PCDH9: variants seen among roughly 807,000 people sequenced by gnomAD.
PCDH9 encodes protocadherin-9.
In PCDH9, 24 loss-of-function variants were observed where a neutral mutation model predicts 70.6. The observed-to-expected ratio is 0.34, with a 90% confidence interval of 0.25 to 0.48. PCDH9 has a LOEUF of 0.48. Among genes scored for constraint, PCDH9 ranks in the 20% least tolerant of loss-of-function variants. The pLI is 0.99. For synonymous variants in PCDH9, 562 were observed against 558.5 expected (o/e 1.01, Z -0.09); for missense variants, 1,281 against 1,503.6 (o/e 0.85, Z 2.45).
At chr13:66,672,356 A>G (rs2078186959) in intron 3 of PCDH9, among the ~76,000 whole-genome samples, 1 of 152,230 alleles carries the variant, frequency 6.6e-6, no homozygotes, top group Non-Finnish European at 1.5e-5. Flanking sequence ...ACAGAAATCA[A>G]AAATTGAGGT....
intron 2 of PCDH9, chr13:67,204,959 G>A (rs900984166): frequency 6.6e-6 from 1 of 152,280 alleles, no homozygotes; most frequent in Non-Finnish European, 1.5e-5. Context: ...TACTTAAAGT[G>A]TTGGCTTTTA....
intron 2 of PCDH9, among the ~76,000 whole-genome samples, chr13:66,911,615 A>G (rs1233150319): frequency 6.6e-6 from 1 of 152,128 alleles, no homozygotes; most frequent in East Asian, 1.9e-4. Context: ...TACTTCAAAC[A>G]CTAATGGTCT....
chr13:66,919,224 C>T (rs1390057313), intron 2 of PCDH9, among the ~76,000 whole-genome samples: 1 of 151,232 alleles, frequency 6.6e-6, no homozygotes, highest in African/African-American at 2.4e-5. Context: ...GTTACTGCTT[C>T]AGGACTAATT....
chr13:66,926,459 T>G (rs1471829961), intron 2 of PCDH9, among the ~76,000 whole-genome samples: 3 of 152,066 alleles, frequency 2.0e-5, no homozygotes, highest in Non-Finnish European at 4.4e-5. Context: ...AATTGGGTTT[T>G]TCACTTGTAA....
At chr13:66,735,671 T>C (rs2079137168) in intron 3 of PCDH9, among the ~76,000 whole-genome samples, 1 of 152,090 alleles carries the variant, frequency 6.6e-6, no homozygotes, top group Non-Finnish European at 1.5e-5. Flanking sequence ...TATTAATAAT[T>C]TTAAAGATTA....
intron 3 of PCDH9, among the ~76,000 whole-genome samples, chr13:66,812,771 T>C (rs2080532264): frequency 6.6e-6 from 1 of 152,154 alleles, no homozygotes. Context: ...GTTTAGGAAA[T>C]AATTAGGAAT....
intron 4 of PCDH9, among the ~76,000 whole-genome samples, chr13:66,372,129 A>C (rs916408643): frequency 6.6e-6 from 1 of 152,080 alleles, no homozygotes; most frequent in East Asian, 1.9e-4. Flanking sequence ...TATGCACCAC[A>C]GAAGTTGAAA....
chr13:67,080,402 C>A (rs1034818112), intron 2 of PCDH9, among the ~76,000 whole-genome samples: 1 of 152,150 alleles, frequency 6.6e-6, no homozygotes, highest in Non-Finnish European at 1.5e-5. Flanking sequence ...AGAACACCAA[C>A]TTTGGAGATT....
At chr13:66,988,106 G>C (rs1437552969) in intron 2 of PCDH9, among the ~76,000 whole-genome samples, 2 of 151,812 alleles carry the variant, frequency 1.3e-5, no homozygotes, top group African/African-American at 4.8e-5. Flanking sequence ...TGACTATATT[G>C]TCCAGGCTGT....
chr13:66,377,209 T>G (rs1205512443), intron 4 of PCDH9, among the ~76,000 whole-genome samples: 2 of 152,162 alleles, frequency 1.3e-5, no homozygotes, highest in Non-Finnish European at 2.9e-5. Context: ...AGCCACCCAC[T>G]CTGTACAGCT....
intron 4 of PCDH9, among the ~76,000 whole-genome samples, chr13:66,442,576 T>A (rs1957994264): frequency 6.6e-6 from 1 of 152,026 alleles, no homozygotes; most frequent in South Asian, 2.1e-4. Context: ...TATATATATA[T>A]AATTAATATT....
intron 4 of PCDH9, among the ~76,000 whole-genome samples, chr13:66,481,907 C>G (rs1343228376): frequency 1.3e-5 from 2 of 151,822 alleles, no homozygotes; most frequent in Non-Finnish European, 2.9e-5. Context: ...TCAGAAAATA[C>G]TGAATAAAAA....
chr13:66,763,536 A>T (rs1004297495), intron 3 of PCDH9, among the ~76,000 whole-genome samples: 1 of 152,056 alleles, frequency 6.6e-6, no homozygotes, highest in Non-Finnish European at 1.5e-5. Context: ...TTTCCTATAG[A>T]TGTTCAAAAG....
At chr13:66,604,292 T>C (rs2077196641) in intron 4 of PCDH9, among the ~76,000 whole-genome samples, 1 of 152,000 alleles carries the variant, frequency 6.6e-6, no homozygotes, top group South Asian at 2.1e-4. Flanking sequence ...TGGCTGAACA[T>C]ATGATTGTTT....
chr13:66,952,562 A>T (rs2083200710), intron 2 of PCDH9, among the ~76,000 whole-genome samples: 1 of 152,172 alleles, frequency 6.6e-6, no homozygotes, highest in East Asian at 1.9e-4. Context: ...AAGCCAGACA[A>T]TTGCAAAGTA....
intron 4 of PCDH9, among the ~76,000 whole-genome samples, chr13:66,622,104 A>G (rs9317597): frequency 0.94 from 142,872 of 152,300 alleles, 67,740 homozygotes; most frequent in East Asian, 1. Context: ...CAGCGGCTGC[A>G]GAGTGTGTAC....
chr13:66,548,991 T>G (rs985485894), intron 4 of PCDH9, among the ~76,000 whole-genome samples: 1 of 152,138 alleles, frequency 6.6e-6, no homozygotes, highest in Non-Finnish European at 1.5e-5. Flanking sequence ...ATTTGGATAA[T>G]TAATTCAAGG....
chr13:66,388,142 CAAAGT>C, intron 4 of PCDH9, among the ~76,000 whole-genome samples: 1 of 152,078 alleles, frequency 6.6e-6, no homozygotes, highest in Non-Finnish European at 1.5e-5. Flanking sequence ...CATGACCACT[CAAAGT>C]AAAGATATAT....
intron 4 of PCDH9, among the ~76,000 whole-genome samples, chr13:66,501,784 T>C (rs1356534641): frequency 2.0e-5 from 3 of 152,098 alleles, no homozygotes; most frequent in Non-Finnish European, 4.4e-5. Flanking sequence ...CCCTTTACCT[T>C]TGGGGACCCT....
Sources: gnomAD v4.1 joint callset for allele counts (sites outside exome capture counted in the v4.1 genomes callset) on GRCh38, gnomAD v4.1.1 for gene constraint, MANE v1.5 for transcripts, NCBI Gene and HGNC (gene_info 2026-07-23, HGNC 2026-07-21) for gene names.